SGCD: variants seen among roughly 807,000 people sequenced by gnomAD.
The protein encoded by SGCD is sarcoglycan delta.
A neutral mutation model predicts 36.6 loss-of-function variants in SGCD; 18 were observed. The ratio of observed to expected loss-of-function variants is 0.49; its 90% CI spans 0.34 to 0.73. SGCD has a LOEUF of 0.73. Among genes scored for constraint, SGCD ranks in the 30% least tolerant of loss-of-function variants. The pLI, the probability that SGCD is intolerant of heterozygous loss-of-function variation, is 0.01. For synonymous variants in SGCD, 133 were observed against 130.6 expected (o/e 1.02, Z -0.12); for missense variants, 387 against 346.7 (o/e 1.12, Z -0.92).
At chr5:155,846,582 A>G in the SGCD span, among the ~76,000 whole-genome samples, 45 of 152,270 alleles carry the variant, frequency 3.0e-4, no homozygotes, top group African/African-American at 1.1e-3. Context: ...TAAAACCTAA[A>G]GATTATTTCT....
At chr5:156,390,559 CAT>C (rs1335366541) in intron 3 of SGCD, among the ~76,000 whole-genome samples, 2 of 152,062 alleles carry the variant, frequency 1.3e-5, no homozygotes, top group Non-Finnish European at 2.9e-5. Context: ...GGTGAAACCC[CAT>C]ATCTACTAAA....
intron 8 of SGCD, chr5:156,758,022 T>TA (rs1263836299): frequency 8.7e-7 from 1 of 1,144,904 alleles, no homozygotes; most frequent in Non-Finnish European, 1.1e-6. Context: ...CCAACATAAT[T>TA]AAGCTGTATA....
rs1470669157 is a variant in SGCD, at chr5:156,760,094, C to T, written c.*704C>T. 6.6e-6 allele frequency: 1 copy of T among 152,182 alleles called. No homozygotes were observed. The highest frequency in any genetic ancestry group is 1.5e-5 in the Non-Finnish European group (1 of 68,038). The allele number at this position is 152,182 out of a possible 1,614,324, so 9.4% of individuals were successfully genotyped here. ...CCCAACTTCTGCTATCTTGCTCCCT[C>T]CAAACTCACAGATTCTCCTACAGTC... On this transcript the variant is annotated 3_prime_UTR_variant, in exon 9 of 9. Coordinates refer to ENST00000337851, the MANE Select transcript of SGCD (RefSeq NM_000337.6).
chr5:156,260,610 A>T (rs1237101133), intron 3 of SGCD, among the ~76,000 whole-genome samples: 1 of 152,140 alleles, frequency 6.6e-6, no homozygotes, highest in East Asian at 1.9e-4. Context: ...CTTTTGGATA[A>T]GTGTATAATC....
chr5:156,286,151 G>A (rs1377729751), intron 3 of SGCD, among the ~76,000 whole-genome samples: 1 of 152,084 alleles, frequency 6.6e-6, no homozygotes, highest in Non-Finnish European at 1.5e-5. Context: ...TTAGAATGGT[G>A]ATCATTAAAA....
rs6868783 is a variant in SGCD, at chr5:156,315,562, G to A, written c.-43-13972G>A. On this transcript the variant is annotated intron_variant, in intron 3 of 9. Transcript: ENST00000517913. Reference sequence around the variant, plus strand: ...TCTTCAAGATAGTGATTTTTCCTTTGGATGTATACACACAAGTGAGTTTAT... The same window carrying A: ...TCTTCAAGATAGTGATTTTTCCTTTAGATGTATACACACAAGTGAGTTTAT... Among the ~76,000 whole-genome samples, 512 of 151,892 alleles carry A rather than the reference G, an allele frequency of 3.4e-3. 3 individuals carry two copies. The highest frequency in any genetic ancestry group is 0.01 in the Middle Eastern group (3 of 294).
chr5:155,968,205 A>C (rs375321584), intron 1 of SGCD, among the ~76,000 whole-genome samples: 1 of 152,216 alleles, frequency 6.6e-6, no homozygotes. Flanking sequence ...AAAATTGTTG[A>C]GTTTTCTAAA....
chr5:156,574,546 C>T (rs1759846197), intron 4 of SGCD, among the ~76,000 whole-genome samples: 2 of 152,066 alleles, frequency 1.3e-5, no homozygotes, highest in African/African-American at 4.8e-5. Context: ...CTCTGTGCCT[C>T]CAAAGCCCTA....
intron 7 of SGCD, among the ~76,000 whole-genome samples, chr5:156,678,918 A>T (rs1753618219): frequency 1.3e-5 from 2 of 152,308 alleles, no homozygotes; most frequent in Non-Finnish European, 2.9e-5. Flanking sequence ...ACACCCCTGG[A>T]TAACTCTGTG....
chr5:155,737,737 C>G, the SGCD span, among the ~76,000 whole-genome samples: 20 of 152,312 alleles, frequency 1.3e-4, no homozygotes, highest in South Asian at 4.1e-3. Context: ...TGACCGTGGC[C>G]TCTGGGTCAT....
chr5:156,480,976 A>G (rs1755398343), intron 3 of SGCD, among the ~76,000 whole-genome samples: 1 of 152,222 alleles, frequency 6.6e-6, no homozygotes, highest in African/African-American at 2.4e-5. Flanking sequence ...TCCAGGAGCG[A>G]GTTCCAACCC....
intron 3 of SGCD, among the ~76,000 whole-genome samples, chr5:156,475,915 A>G (rs1402678687): frequency 1.3e-5 from 2 of 152,226 alleles, no homozygotes; most frequent in Admixed American, 6.5e-5. Context: ...CAGGCAGCAC[A>G]TTCCTTGCAG....
At chr5:156,284,975 T>C (rs1766554809) in intron 3 of SGCD, among the ~76,000 whole-genome samples, 1 of 152,188 alleles carries the variant, frequency 6.6e-6, no homozygotes, top group East Asian at 1.9e-4. Context: ...TTCAGCAAAG[T>C]CTCAGGATAC....
At chr5:156,336,924 G>A (rs890090601) in intron 2 of SGCD, among the ~76,000 whole-genome samples, 1 of 152,186 alleles carries the variant, frequency 6.6e-6, no homozygotes, top group Non-Finnish European at 1.5e-5. Context: ...TGTTTAAAAA[G>A]AAACTGCCAT....
chr5:155,752,758 A>G, the SGCD span, among the ~76,000 whole-genome samples: 1 of 152,220 alleles, frequency 6.6e-6, no homozygotes, highest in Non-Finnish European at 1.5e-5. Context: ...ATGACCCTCC[A>G]TCAATATTTG....
chr5:156,509,700 A>G (rs1426318983), intron 4 of SGCD, among the ~76,000 whole-genome samples: 1 of 152,222 alleles, frequency 6.6e-6, no homozygotes, highest in Non-Finnish European at 1.5e-5. Flanking sequence ...TTTCCTACCT[A>G]AGCTTTTCCT....
chr5:156,689,305 TG>T (rs1754025181), intron 7 of SGCD, among the ~76,000 whole-genome samples: 1 of 152,210 alleles, frequency 6.6e-6, no homozygotes. Flanking sequence ...TAGCTCTCCT[TG>T]GGCTTCTTTG....
intron 3 of SGCD, among the ~76,000 whole-genome samples, chr5:156,347,616 C>A (rs942340790): frequency 6.6e-6 from 1 of 152,108 alleles, no homozygotes; most frequent in African/African-American, 2.4e-5. Flanking sequence ...CTTTAGTCCC[C>A]TATTTGAAGC....
At chr5:156,534,472 A>G (rs942943299) in intron 4 of SGCD, among the ~76,000 whole-genome samples, 3 of 152,024 alleles carry the variant, frequency 2.0e-5, no homozygotes, top group Non-Finnish European at 4.4e-5. Context: ...TGGATACTTC[A>G]TCTCTTGATT....
Sources: allele counts gnomAD v4.1 joint callset (sites outside exome capture counted in the v4.1 genomes callset), GRCh38; gene constraint gnomAD v4.1.1; transcripts MANE v1.5; gene names NCBI Gene and HGNC (gene_info 2026-07-23, HGNC 2026-07-21).